Variants in ZBBX observed in about 807,000 individuals in gnomAD.
ZBBX encodes zinc finger B-box domain-containing protein 1.
Under a neutral mutation model 108.5 loss-of-function variants are expected in ZBBX, and 101 were observed. The ratio of observed to expected loss-of-function variants is 0.93; its 90% CI spans 0.79 to 1.10. ZBBX has a LOEUF of 1.10. Ranked by LOEUF, ZBBX falls within the 50% of genes least tolerant of loss-of-function variation. The pLI, the probability that ZBBX is intolerant of heterozygous loss-of-function variation, is 0.00. For synonymous variants in ZBBX, 356 were observed against 323.4 expected (o/e 1.10, Z -1.08); for missense variants, 1,009 against 941.4 (o/e 1.07, Z -0.94).
rs374887332 is a variant in ZBBX at position 167,282,246 on chromosome 3, G to C, written c.2246C>G (p.Ser749Cys). 6.2e-7 allele frequency: 1 copy of C among 1,608,664 alleles called. No homozygotes were observed. Among genetic ancestry groups the C allele is most frequent in the African/African-American group, 1.3e-5 (1 of 74,680 alleles). Residue 749 changes from serine (S) to cysteine (C), a missense_variant, in exon 20 of 22, where the codon TCT becomes TGT. Ser to Cys is a moderately radical substitution (Grantham distance 112, BLOSUM62 -1). Transcript: ENST00000675490. ...NLEKELQVLRSLADTSEKLYS... is the reference protein window; with the variant it reads ...NLEKELQVLRCLADTSEKLYS... ...AAAAAAAATAGGATTACCTGCAAGA[G>C]ATCTCAGCACTTGTAATTCTTTTTC... is the stretch of plus-strand genomic sequence containing the variant.
At chr3:167,335,801 C>T (rs1231536413) in intron 9 of ZBBX, among the ~76,000 whole-genome samples, 4 of 151,746 alleles carry the variant, frequency 2.6e-5, no homozygotes, top group African/African-American at 4.8e-5. Context: ...AAATGATGAA[C>T]GTGACCTATG....
At chr3:167,354,350 A>G (rs1743176980) in intron 8 of ZBBX, among the ~76,000 whole-genome samples, 1 of 151,898 alleles carries the variant, frequency 6.6e-6, no homozygotes, top group Non-Finnish European at 1.5e-5. Context: ...GGGACCATTT[A>G]TATCGAAAAA....
chr3:167,183,118 G>C, the ZBBX span, among the ~76,000 whole-genome samples: 1 of 152,138 alleles, frequency 6.6e-6, no homozygotes, highest in Non-Finnish European at 1.5e-5. Flanking sequence ...GAAGGGTAGG[G>C]ACAAACCTCT....
intron 9 of ZBBX, among the ~76,000 whole-genome samples, chr3:167,348,395 A>C (rs1319161375): frequency 6.8e-6 from 1 of 147,334 alleles, no homozygotes; most frequent in Non-Finnish European, 1.5e-5. Flanking sequence ...AAGAAGAAGG[A>C]GGGAGGGAGA....
chr3:167,275,571 G>A (rs936778371), intron 20 of ZBBX, among the ~76,000 whole-genome samples: 2 of 152,326 alleles, frequency 1.3e-5, no homozygotes, highest in South Asian at 2.1e-4. Flanking sequence ...CTTTTCCAAC[G>A]GGCTTAAAAA....
At chr3:167,274,055 G>C (rs1727037187) in intron 20 of ZBBX, among the ~76,000 whole-genome samples, 1 of 152,184 alleles carries the variant, frequency 6.6e-6, no homozygotes, top group African/African-American at 2.4e-5. Context: ...AATGGCCCTA[G>C]ACATGACGTT....
chr3:167,269,091 C>T (rs1469319130), intron 20 of ZBBX, among the ~76,000 whole-genome samples: 2 of 152,342 alleles, frequency 1.3e-5, no homozygotes, highest in South Asian at 4.1e-4. Context: ...AGCCCTTTCC[C>T]TCATTACCTC....
the ZBBX span, among the ~76,000 whole-genome samples, chr3:167,232,960 C>T: frequency 6.6e-6 from 1 of 151,676 alleles, no homozygotes; most frequent in African/African-American, 2.4e-5. Flanking sequence ...GTCACCTTTC[C>T]CCTTTTATAA....
In ZBBX at chr3:167,291,866, C is replaced by T. The variant is rs148131915; in HGVS notation, c.1880-2883G>A. ...AAACGAAAGAAAGCAGGAAATTTTA[C>T]CAACCAAATGGAAAGCAGAAAAAAA... On this transcript the variant is annotated intron_variant, in intron 18 of 21. Transcript: ENST00000675490. Among the ~76,000 whole-genome samples, 935 of 152,192 alleles carry T rather than the reference C, an allele frequency of 6.1e-3. 6 individuals carry two copies. The highest frequency in any genetic ancestry group is 0.022 in the African/African-American group (907 of 41,520).
At chr3:167,396,515 A>T (rs1748239503) in intron 1 of ZBBX, among the ~76,000 whole-genome samples, 1 of 152,066 alleles carries the variant, frequency 6.6e-6, no homozygotes, top group Admixed American at 6.6e-5. Context: ...AGCAGTAAAA[A>T]TGGTATTTTC....
At chr3:167,183,711 T>A in the ZBBX span, among the ~76,000 whole-genome samples, 2,033 of 152,350 alleles carry the variant, frequency 0.013, 22 homozygotes, top group South Asian at 0.026. Flanking sequence ...ATGCTATTGT[T>A]TGTGGTTCAG....
At chr3:167,316,235 G>C (rs1246378617) in intron 14 of ZBBX, among the ~76,000 whole-genome samples, 1 of 151,812 alleles carries the variant, frequency 6.6e-6, no homozygotes, top group Non-Finnish European at 1.5e-5. Flanking sequence ...TTTATCCAGA[G>C]GAGAAATAAA....
the ZBBX span, among the ~76,000 whole-genome samples, chr3:167,209,800 A>C: frequency 6.6e-6 from 1 of 152,254 alleles, no homozygotes; most frequent in South Asian, 2.1e-4. Flanking sequence ...ACAGAATTCA[A>C]AATAGCTGGC....
chr3:167,329,705 C>T (rs1365920923), intron 10 of ZBBX, among the ~76,000 whole-genome samples: 1 of 152,036 alleles, frequency 6.6e-6, no homozygotes, highest in Non-Finnish European at 1.5e-5. Context: ...AAGCAGTTTG[C>T]ATTGATGTAG....
intron 1 of ZBBX, chr3:167,401,508 T>C (rs1577149393): frequency 6.6e-6 from 1 of 152,320 alleles, no homozygotes; most frequent in East Asian, 1.9e-4. Context: ...CTTATTTTTA[T>C]GGCCATTTCT....
At chr3:167,322,280 T>C in intron 11 of ZBBX, 43 bp from the exon 12 acceptor site, 1 of 1,409,226 alleles carries the variant, frequency 7.1e-7, no homozygotes, top group African/African-American at 1.5e-5. Flanking sequence ...ATAAGCAAGT[T>C]TACAAATTAC....
At chr3:167,256,898 A>T (rs1723618095) in intron 20 of ZBBX, among the ~76,000 whole-genome samples, 1 of 152,022 alleles carries the variant, frequency 6.6e-6, no homozygotes, top group Non-Finnish European at 1.5e-5. Context: ...GTTGCTTCTG[A>T]ATCTTAGCTA....
the ZBBX span, among the ~76,000 whole-genome samples, chr3:167,183,775 T>C: frequency 6.6e-6 from 1 of 152,206 alleles, no homozygotes; most frequent in Non-Finnish European, 1.5e-5. Context: ...CTTGCCCTCA[T>C]TCTGGTAAAC....
At chr3:167,304,759 C>A (rs1285438435) in intron 17 of ZBBX, among the ~76,000 whole-genome samples, 1 of 152,014 alleles carries the variant, frequency 6.6e-6, no homozygotes, top group Non-Finnish European at 1.5e-5. Context: ...CATCTTGTTG[C>A]ACCTATGGGT....
Sources: gnomAD v4.1 joint callset for allele counts (sites outside exome capture counted in the v4.1 genomes callset) on GRCh38, gnomAD v4.1.1 for gene constraint, MANE v1.5 for transcripts, NCBI Gene and HGNC (gene_info 2026-07-23, HGNC 2026-07-21) for gene names.